Variants in ATG13 observed in about 807,000 individuals in gnomAD.
ATG13 encodes the protein autophagy related 13.
ATG13 carries 23 observed loss-of-function variants against 65.5 expected under a neutral mutation model. That is an observed-to-expected ratio of 0.35 (90% CI 0.25 to 0.50). The LOEUF is 0.50. Ranked by LOEUF, ATG13 falls within the 20% of genes least tolerant of loss-of-function variation. ATG13 has a pLI of 0.98. For synonymous variants in ATG13, 252 were observed against 245.2 expected, an observed-to-expected ratio of 1.03 and a Z score of -0.26; for missense variants, 566 against 677.0, an observed-to-expected ratio of 0.84 and a Z score of 1.82.
In ATG13 at chr11:46,669,425, G is replaced by T; in HGVS notation, c.1468G>T (p.Asp490Tyr). 6.2e-7 allele frequency: 1 copy of T among 1,614,108 alleles called. No homozygotes were observed. The highest frequency in any genetic ancestry group is 1.1e-5 in the South Asian group (1 of 91,056). The change falls in exon 18 of 19, where the codon GAC (aspartate) becomes TAC (tyrosine). Residue 490 changes from aspartate (D) to tyrosine (Y), a missense_variant. Around this residue, in one of 2 missense-constraint regions of ATG13, gnomAD observed 387 missense variants for 409.8 expected, o/e 0.94. Coordinates refer to ENST00000683050, the MANE Select transcript of ATG13 (RefSeq NM_001346311.2). Reference protein sequence around the residue: ...IDFKPAFSKDDILPMDLGTFY... With the variant: ...IDFKPAFSKDYILPMDLGTFY... ...GAAGAAACCAGCTTTTTCTAAAGATGACATTCTTCCGATGGACCTGGGGAC... is the reference window on the plus strand; with the variant it reads ...GAAGAAACCAGCTTTTTCTAAAGATTACATTCTTCCGATGGACCTGGGGAC...
Position 46,657,217 on chromosome 11 carries a change from A to G in ATG13, c.596+26A>G, listed in dbSNP as rs1272593522. 2.5e-6 allele frequency: 4 copies of G among 1,586,378 alleles called. No individual in the cohort carries two copies. The African/African-American group carries it at 4.0e-5, about 16-fold the overall frequency. ...GTGAGGAAGAGCCCTGGAATCCAAA[A>G]GAACTCTTCCGAAAATGTTAAAGTT... is the stretch of plus-strand genomic sequence containing the variant. On this transcript the variant is annotated intron_variant, in intron 9 of 18. Transcript: ENST00000683050.
intron 2 of ATG13, among the ~76,000 whole-genome samples, chr11:46,643,851 G>T (rs2056834921): frequency 6.6e-6 from 1 of 152,028 alleles, no homozygotes. Context: ...TGGAGAAAGG[G>T]CTTTTGTCAA....
rs1429471793 is a variant in ATG13 at position 46,673,810 on chromosome 11, C to T, written c.*1478C>T. On this transcript the variant is annotated 3_prime_UTR_variant, in exon 19 of 19. Coordinates refer to ENST00000683050, the MANE Select transcript of ATG13 (RefSeq NM_001346311.2). ...GAGATCTAGGTCTACTCCATTCCTC[C>T]TGGCCCACCTGGGGCATTCACTGGC... is the stretch of plus-strand genomic sequence containing the variant. 2.6e-5 allele frequency: 4 copies of T among 152,332 alleles called. No individual in the cohort carries two copies. The highest frequency in any genetic ancestry group is 9.6e-5 in the African/African-American group (4 of 41,470). The allele number at this position is 152,332 out of a possible 1,614,324, so 9.4% of individuals were successfully genotyped here. A position where few individuals can be genotyped will look rare whatever the true frequency, so the allele number is the denominator to read the frequency against.
At chr11:46,623,104 C>T (rs55715011) in intron 1 of ATG13, among the ~76,000 whole-genome samples, 2 of 151,628 alleles carry the variant, frequency 1.3e-5, no homozygotes, top group South Asian at 2.1e-4. Context: ...CGGGCTAACA[C>T]GGTGAAACCC....
At position 46,657,189 on chromosome 11, in the gene ATG13, C is replaced by T. The variant is rs1243629998; in HGVS notation, c.594C>T (p.Thr198=). 1 of 1,611,970 alleles carries T rather than the reference C, an allele frequency of 6.2e-7. No homozygotes were observed. Among genetic ancestry groups the T allele is most frequent in the Admixed American group, 1.7e-5 (1 of 60,006 alleles). ...AYRINLAFMS[T]RQFERTPPIM... ...GAATTAACTTGGCATTCATGTCTAC[C>T]AGGTGAGGAAGAGCCCTGGAATCCA... The change falls in exon 9 of 19, where the codon ACC becomes ACT. Residue 198 remains threonine (T), a splice_region_variant and synonymous_variant. Transcript: ENST00000683050.
intron 1 of ATG13, chr11:46,618,325 T>C (rs910485708): frequency 6.5e-6 from 1 of 154,450 alleles, no homozygotes; most frequent in Non-Finnish European, 1.4e-5. Context: ...TTACTGGCAG[T>C]GGAACGACCT....
intron 7 of ATG13, among the ~76,000 whole-genome samples, chr11:46,651,057 A>G (rs984092549): frequency 2.0e-5 from 3 of 152,214 alleles, no homozygotes; most frequent in Admixed American, 1.3e-4. Context: ...TCAACAGAGT[A>G]TTTTCCTTGG....
chr11:46,630,568 C>CTTTTTTTT (rs35243801), intron 2 of ATG13, among the ~76,000 whole-genome samples: 22 of 120,716 alleles, frequency 1.8e-4, no homozygotes, highest in African/African-American at 3.0e-4. Context: ...AAATTAGAGG[C>CTTTTTTTT]TTTTTTTTTT....
chr11:46,664,410 G>A (rs533240164), intron 12 of ATG13, among the ~76,000 whole-genome samples: 3 of 152,274 alleles, frequency 2.0e-5, no homozygotes, highest in African/African-American at 7.2e-5. Flanking sequence ...ACCCAGGGGT[G>A]ATGGAGGGTG....
At chr11:46,644,175 C>G in intron 2 of ATG13, 104 bp from the exon 3 acceptor site, 1 of 836,748 alleles carries the variant, frequency 1.2e-6, no homozygotes, top group Non-Finnish European at 1.7e-6. Flanking sequence ...CCCACTCCCA[C>G]ATGATTATTC....
At chr11:46,660,272 A>G (rs951836311) in intron 11 of ATG13, among the ~76,000 whole-genome samples, 3 of 151,738 alleles carry the variant, frequency 2.0e-5, no homozygotes, top group Non-Finnish European at 2.9e-5. Flanking sequence ...TTCTAGATCT[A>G]CCTCAGTTCT....
chr11:46,637,658 A>G (rs2054440785), intron 2 of ATG13, among the ~76,000 whole-genome samples: 2 of 152,212 alleles, frequency 1.3e-5, no homozygotes, highest in Non-Finnish European at 2.9e-5. Flanking sequence ...ACTATTTTTC[A>G]TATGGAAATA....
At chr11:46,627,769 G>A (rs565881517) in intron 1 of ATG13, among the ~76,000 whole-genome samples, 9 of 152,082 alleles carry the variant, frequency 5.9e-5, no homozygotes, top group East Asian at 3.9e-4. Context: ...GTGAGCCACC[G>A]TGCCTGGCCT....
At chr11:46,655,794 A>G (rs774614020) in intron 7 of ATG13, among the ~76,000 whole-genome samples, 4 of 152,114 alleles carry the variant, frequency 2.6e-5, no homozygotes, top group Non-Finnish European at 4.4e-5. Context: ...CTGGAATGCA[A>G]TGGTGCAATC....
chr11:46,666,544 T>C (rs1455736260), intron 14 of ATG13, among the ~76,000 whole-genome samples: 2 of 152,208 alleles, frequency 1.3e-5, no homozygotes, highest in African/African-American at 4.8e-5. Context: ...CCTAAAGACA[T>C]TAGATAGGAA....
intron 2 of ATG13, among the ~76,000 whole-genome samples, chr11:46,632,858 C>T (rs2052316053): frequency 6.6e-6 from 1 of 151,278 alleles, no homozygotes; most frequent in Admixed American, 6.6e-5. Context: ...TTTCTCTCTA[C>T]TTTCTCAAAA....
intron 2 of ATG13, among the ~76,000 whole-genome samples, chr11:46,635,383 T>C (rs1262903669): frequency 6.6e-6 from 1 of 152,210 alleles, no homozygotes; most frequent in Non-Finnish European, 1.5e-5. Context: ...TTGATAAATA[T>C]ATACATTGTG....
rs2064316699 is a variant in ATG13 at position 46,674,210 on chromosome 11, C to T, written c.*1878C>T. On this transcript the variant is annotated 3_prime_UTR_variant, in exon 19 of 19. Coordinates refer to ENST00000683050, the MANE Select transcript of ATG13 (RefSeq NM_001346311.2). ...TGTCTGAGGCAGCAATCTTTGGCAT[C>T]TACAGGTGGCAGCAGCCTTTCACCA... 6.6e-6 allele frequency: 1 copy of T among 152,266 alleles called. No individual in the cohort carries two copies. Among genetic ancestry groups the T allele is most frequent in the African/African-American group, 2.4e-5 (1 of 41,460 alleles). The allele number at this position is 152,266 out of a possible 1,614,324, so 9.4% of individuals were successfully genotyped here. A position where few individuals can be genotyped will look rare whatever the true frequency, so the allele number is the denominator to read the frequency against.
chr11:46,652,122 C>T (rs1310012442), intron 7 of ATG13, among the ~76,000 whole-genome samples: 2 of 152,100 alleles, frequency 1.3e-5, no homozygotes, highest in South Asian at 2.1e-4. Flanking sequence ...GTGGCACGCT[C>T]CTGTAATCCC....
Sources: allele counts gnomAD v4.1 joint callset (sites outside exome capture counted in the v4.1 genomes callset), GRCh38; gene constraint gnomAD v4.1.1; regional missense constraint gnomAD v4.1.1; transcripts MANE v1.5; gene names NCBI Gene and HGNC (gene_info 2026-07-23, HGNC 2026-07-21).